GALNTL6: variants seen among roughly 807,000 people sequenced by gnomAD.
GALNTL6 encodes the protein polypeptide N-acetylgalactosaminyltransferase like 6, also known as polypeptide N-acetylgalactosaminyltransferase-like 6.
Under a neutral mutation model 73.7 loss-of-function variants are expected in GALNTL6, and 46 were observed. The ratio of observed to expected loss-of-function variants is 0.62; its 90% confidence interval spans 0.49 to 0.80. The LOEUF (loss-of-function observed/expected upper bound fraction) is 0.80, where lower values mean the gene tolerates loss of function less well. Among genes scored for constraint, GALNTL6 ranks in the 30% least tolerant of loss-of-function variants. GALNTL6 has a pLI of 0.00. For missense variants in GALNTL6, 604 were observed against 755.0 expected, an observed-to-expected ratio of 0.80 and a Z score of 2.34; for synonymous variants, 259 against 263.7, an observed-to-expected ratio of 0.98 and a Z score of 0.17.
chr4:172,384,417 AT>A (rs1055017251), intron 5 of GALNTL6, among the ~76,000 whole-genome samples: 38 of 150,908 alleles, frequency 2.5e-4, no homozygotes, highest in African/African-American at 8.5e-4. Context: ...TTCCCTCTTA[AT>A]TTTTTTTTAA....
At chr4:172,605,958 G>A (rs752019826) in intron 5 of GALNTL6, among the ~76,000 whole-genome samples, 1 of 152,046 alleles carries the variant, frequency 6.6e-6, no homozygotes, top group Non-Finnish European at 1.5e-5. Flanking sequence ...TCCTCCCCTT[G>A]CATAAGGTGT....
intron 3 of GALNTL6, among the ~76,000 whole-genome samples, chr4:172,307,404 G>A (rs2111135088): frequency 6.6e-6 from 1 of 152,116 alleles, no homozygotes; most frequent in Admixed American, 6.5e-5. Context: ...ATTTGCTTTG[G>A]GGTTCTTGGT....
At chr4:172,702,603 T>C (rs948531228) in intron 5 of GALNTL6, among the ~76,000 whole-genome samples, 4 of 151,964 alleles carry the variant, frequency 2.6e-5, no homozygotes, top group African/African-American at 9.7e-5. Context: ...GCCTTATAAA[T>C]GGGATTAGTG....
At chr4:172,138,654 C>T (rs1325191450) in intron 2 of GALNTL6, among the ~76,000 whole-genome samples, 3 of 146,198 alleles carry the variant, frequency 2.1e-5, no homozygotes, top group African/African-American at 5.0e-5. Context: ...CTCAGCCTCC[C>T]GAGTAGCTGC....
chr4:172,463,271 T>C (rs1416142977), intron 5 of GALNTL6, among the ~76,000 whole-genome samples: 2 of 151,798 alleles, frequency 1.3e-5, no homozygotes, highest in African/African-American at 4.8e-5. Flanking sequence ...AGCAAACCTC[T>C]TTCTCCCTCA....
chr4:172,627,602 T>C (rs1739216505), intron 5 of GALNTL6, among the ~76,000 whole-genome samples: 1 of 152,006 alleles, frequency 6.6e-6, no homozygotes, highest in African/African-American at 2.4e-5. Flanking sequence ...CTGGTAGAAT[T>C]CAGCTGTGAA....
rs1170992127 is a variant in GALNTL6, at chr4:172,592,652, A to G, written c.554-216709A>G. On this transcript the variant is annotated intron_variant, in intron 5 of 12. Coordinates refer to ENST00000506823, the MANE Select transcript of GALNTL6 (RefSeq NM_001034845.3). ...ATAACACATTAGAATACTCAAATCT[A>G]TATCTGTCTGTCTGTCTGTCTATCT... Among the ~76,000 whole-genome samples, 3 of 141,618 alleles carry G rather than the reference A, an allele frequency of 2.1e-5. No homozygotes were observed. The South Asian group carries it at 7.0e-4, about 33-fold the overall frequency. 92.9% of individuals were successfully genotyped at this position (141,618 alleles called of 152,430 possible).
chr4:171,942,153 G>A (rs1019521597), intron 2 of GALNTL6, among the ~76,000 whole-genome samples: 22 of 151,804 alleles, frequency 1.4e-4, no homozygotes, highest in African/African-American at 3.9e-4. Flanking sequence ...CACTTTGGGA[G>A]GCCATGGTGA....
chr4:172,016,579 G>A (rs932978148), intron 2 of GALNTL6, among the ~76,000 whole-genome samples: 12 of 151,986 alleles, frequency 7.9e-5, no homozygotes, highest in Non-Finnish European at 4.4e-5. Flanking sequence ...GCAATTCAGA[G>A]ATTTATTCTT....
intron 5 of GALNTL6, among the ~76,000 whole-genome samples, chr4:172,520,766 C>T (rs528575782): frequency 6.6e-6 from 1 of 152,108 alleles, no homozygotes; most frequent in South Asian, 2.1e-4. Context: ...AACATATTCT[C>T]ATATCTGGTC....
At chr4:172,237,452 T>C (rs1737280026) in intron 3 of GALNTL6, among the ~76,000 whole-genome samples, 1 of 152,186 alleles carries the variant, frequency 6.6e-6, no homozygotes. Flanking sequence ...TTTTGCTTGT[T>C]AAAGTGTGTA....
intron 7 of GALNTL6, among the ~76,000 whole-genome samples, chr4:172,857,420 T>G (rs1001622839): frequency 9.9e-5 from 15 of 152,096 alleles, no homozygotes; most frequent in Non-Finnish European, 1.9e-4. Context: ...TAATGCAGGA[T>G]CACTATGAGA....
chr4:172,062,692 CA>C (rs757554162), intron 2 of GALNTL6, among the ~76,000 whole-genome samples: 5 of 152,230 alleles, frequency 3.3e-5, no homozygotes, highest in Non-Finnish European at 5.9e-5. Context: ...TTCTAAGATA[CA>C]ACCACATTTT....
At chr4:172,160,899 CACACACACACAT>C (rs1734441152) in intron 2 of GALNTL6, among the ~76,000 whole-genome samples, 1 of 54,096 alleles carries the variant, frequency 1.8e-5, no homozygotes, top group Middle Eastern at 8.3e-3. Context: ...TAGACACACA[CACACACACACAT>C]ACACACACAC....
chr4:172,109,649 T>A (rs1383410246), intron 2 of GALNTL6, among the ~76,000 whole-genome samples: 2 of 152,228 alleles, frequency 1.3e-5, no homozygotes, highest in Non-Finnish European at 2.9e-5. Context: ...GCCTTTCAGT[T>A]ATGAAGAATA....
chr4:172,801,757 G>A (rs943611616), intron 5 of GALNTL6, among the ~76,000 whole-genome samples: 6 of 152,198 alleles, frequency 3.9e-5, no homozygotes, highest in African/African-American at 1.4e-4. Context: ...AAGCTATCCT[G>A]AAAATATATA....
At chr4:171,877,804 C>CTTT (rs1412974584) in intron 2 of GALNTL6, among the ~76,000 whole-genome samples, 2 of 152,052 alleles carry the variant, frequency 1.3e-5, no homozygotes, top group Non-Finnish European at 2.9e-5. Flanking sequence ...TAAATGATAA[C>CTTT]AAAATAATGA....
chr4:172,884,188 G>A (rs78883865), intron 8 of GALNTL6, among the ~76,000 whole-genome samples: 2,902 of 152,064 alleles, frequency 0.019, 96 homozygotes, highest in African/African-American at 0.066. Flanking sequence ...TTTTGAGGAC[G>A]CTCCATACTC....
intron 2 of GALNTL6, among the ~76,000 whole-genome samples, chr4:171,960,688 TAAAAAAAA>T (rs201299722): frequency 7.7e-5 from 10 of 129,488 alleles, no homozygotes; most frequent in African/African-American, 1.5e-4. Context: ...TGTCTTTATT[TAAAAAAAA>T]AAAAAAAAAA....
Sources: gnomAD v4.1 joint callset for allele counts (sites outside exome capture counted in the v4.1 genomes callset) on GRCh38, gnomAD v4.1.1 for gene constraint, MANE v1.5 for transcripts, NCBI Gene and HGNC (gene_info 2026-07-23, HGNC 2026-07-21) for gene names.